IRAK4: variants seen among roughly 807,000 people sequenced by gnomAD.
IRAK4 encodes interleukin 1 receptor associated kinase 4.
In IRAK4, 44 loss-of-function variants were observed where a neutral mutation model predicts 51.8. The observed-to-expected ratio is 0.85, with a 90% CI of 0.67 to 1.09. The LOEUF is 1.09. Ranked by LOEUF, IRAK4 falls within the 50% of genes least tolerant of loss-of-function variation. The probability of loss-of-function intolerance (pLI) is 0.00; values close to 1 mark genes in which losing one functional copy is unlikely to be tolerated. For missense variants in IRAK4, 487 were observed against 538.0 expected (o/e 0.91, Z 0.94); for synonymous variants, 149 against 174.1 (o/e 0.86, Z 1.13).
At position 43,772,950 on chromosome 12, in the gene IRAK4, A is replaced by G. The variant is rs141209982; in HGVS notation, c.529A>G (p.Thr177Ala). 5.4e-4 allele frequency: 865 copies of G among 1,610,808 alleles called. 1 individual carries two copies. Among genetic ancestry groups the G allele is most frequent in the Non-Finnish European group, 6.5e-4 (768 of 1,178,132 alleles). Residue 177 changes from threonine to alanine, a missense_variant, in exon 5 of 12, where the codon ACA (threonine) becomes GCA (alanine). Coordinates refer to ENST00000613694, the MANE Select transcript of IRAK4 (RefSeq NM_016123.4). ...TTCATTTTATGAATTGAAGAATGTC[A>G]CAAATAACTTTGATGAACGACCCAT... Reference protein sequence around the residue: ...SFSFYELKNVTNNFDERPISV... With the variant: ...SFSFYELKNVANNFDERPISV...
chr12:43,766,460 C>T (rs1940158829), intron 1 of IRAK4, among the ~76,000 whole-genome samples: 1 of 152,120 alleles, frequency 6.6e-6, no homozygotes, highest in African/African-American at 2.4e-5. Flanking sequence ...GCATTTATCA[C>T]TCCCTGTCAC....
intron 6 of IRAK4, 23 bp downstream of exon 6, chr12:43,774,052 G>T (rs368286263): frequency 6.4e-7 from 1 of 1,573,952 alleles, no homozygotes. Flanking sequence ...CTGGCAGTGC[G>T]GTGTAGTGGA....
intron 2 of IRAK4, among the ~76,000 whole-genome samples, chr12:43,769,541 A>G (rs1940529563): frequency 6.6e-6 from 1 of 152,108 alleles, no homozygotes; most frequent in Admixed American, 6.6e-5. Context: ...AGTCCCAGCT[A>G]CTTGGGAGGT....
intron 6 of IRAK4, among the ~76,000 whole-genome samples, chr12:43,774,676 A>AT (rs1164817252): frequency 1.3e-5 from 2 of 152,252 alleles, no homozygotes; most frequent in African/African-American, 4.8e-5. Flanking sequence ...CTATAGAGTA[A>AT]TAGGCCCTTA....
In IRAK4 at chr12:43,788,539, C is replaced by CTTTTTTTT. The variant is rs538947924; in HGVS notation, c.*1835_*1842dup. 1 of 130,580 alleles carries CTTTTTTTT rather than the reference C, an allele frequency of 7.7e-6. No homozygotes were observed. The highest frequency in any genetic ancestry group is 3.0e-5 in the African/African-American group (1 of 33,736). 8.1% of individuals were successfully genotyped at this position (130,580 alleles called of 1,614,324 possible). ...CATGGAATCAAGGAATATGTTAGGG[C>CTTTTTTTT]TTTTTTTTTTTTTTTTTTGAGACGG... On this transcript the variant is annotated 3_prime_UTR_variant, in exon 12 of 12. Coordinates refer to ENST00000613694, the MANE Select transcript of IRAK4 (RefSeq NM_016123.4).
chr12:43,772,180 A>T lies in IRAK4; in HGVS notation c.308A>T (p.Asp103Val). The T allele has an allele frequency of 1.2e-6, 2 of 1,612,138 alleles. 1 individual carries two copies. The highest frequency in any genetic ancestry group is 2.2e-5 in the South Asian group (2 of 91,054). ...ACTTGTATCTTACTTCATTTGTTAGATGCTGTTCCCAAAACTGCTAATACA... is the reference window on the plus strand; with the variant it reads ...ACTTGTATCTTACTTCATTTGTTAGTTGCTGTTCCCAAAACTGCTAATACA... ...FFAPASLLLP[D>V]AVPKTANTLP... Residue 103 changes from aspartate to valine, a missense_variant and splice_region_variant, in exon 4 of 12, where the codon GAT becomes GTT. Coordinates refer to ENST00000613694, the MANE Select transcript of IRAK4 (RefSeq NM_016123.4).
chr12:43,788,330 G>A lies in IRAK4; in HGVS notation c.*1615G>A. ...CACTGCCTAGTAGAGCTATGGGAAG[G>A]GTGCTGCCACCCTCCAGACTTGAGA... On this transcript the variant is annotated 3_prime_UTR_variant, in exon 12 of 12. Coordinates refer to ENST00000613694, the MANE Select transcript of IRAK4 (RefSeq NM_016123.4). The A allele has an allele frequency of 6.6e-6, 1 of 152,108 alleles. No individual in the cohort carries two copies. The highest frequency in any genetic ancestry group is 1.9e-4 in the East Asian group (1 of 5,166). 9.4% of individuals were successfully genotyped at this position (152,108 alleles called of 1,614,324 possible).
chr12:43,777,638 A>G lies in IRAK4; in HGVS notation c.725A>G (p.His242Arg). 2.5e-6 allele frequency: 4 copies of G among 1,605,628 alleles called. No homozygotes were observed. The highest frequency in any genetic ancestry group is 3.4e-6 in the Non-Finnish European group (4 of 1,175,960). Residue 242 changes from histidine (H) to arginine (R), a missense_variant, in exon 7 of 12, where the codon CAT (histidine) becomes CGT (arginine). By Grantham distance (29) the His-to-Arg change is conservative. Coordinates refer to ENST00000613694, the MANE Select transcript of IRAK4 (RefSeq NM_016123.4). ...QEIKVMAKCQ[H>R]ENLVELLGFS... ...AAAATTATTTGTCACAGGTGTCAAC[A>G]TGAAAACTTAGTAGAACTACTTGGT...
intron 8 of IRAK4, 87 bp from the exon 9 acceptor site, chr12:43,782,220 A>G (rs1244297471): frequency 1.3e-6 from 1 of 799,794 alleles, no homozygotes; most frequent in Admixed American, 1.9e-5. Context: ...ATATACATGC[A>G]TACATACGTA....
chr12:43,763,618 T>G (rs1466596374), intron 1 of IRAK4, among the ~76,000 whole-genome samples: 1 of 152,170 alleles, frequency 6.6e-6, no homozygotes, highest in Non-Finnish European at 1.5e-5. Context: ...CAATAGTTTT[T>G]AAGAGGGTAA....
intron 1 of IRAK4, chr12:43,759,521 T>TG (rs1939204500): frequency 1.3e-5 from 2 of 152,054 alleles, no homozygotes; most frequent in South Asian, 4.2e-4. Flanking sequence ...CATTCGCAGA[T>TG]GGGGGAAAAA....
Position 43,786,896 on chromosome 12 carries a change from T to G in IRAK4, c.*181T>G. ...AAAAATAGAGCCACCATATCAACAC[T>G]TAGCCCTACCCATTAGTATCACCCC... On this transcript the variant is annotated 3_prime_UTR_variant, in exon 12 of 12. Transcript: ENST00000613694. The G allele has an allele frequency of 1.6e-6, 1 of 617,086 alleles. No individual in the cohort carries two copies. The highest frequency in any genetic ancestry group is 2.9e-6 in the Non-Finnish European group (1 of 349,846). 38.2% of individuals were successfully genotyped at this position (617,086 alleles called of 1,614,324 possible). A position where few individuals can be genotyped will look rare whatever the true frequency, so the allele number is the denominator to read the frequency against.
At position 43,777,666 on chromosome 12, in the gene IRAK4, C is replaced by T; in HGVS notation, c.753C>T (p.Phe251=). The part of the protein sequence containing the change: ...QHENLVELLG[F]SSDGDDLCLV... ...AAAACTTAGTAGAACTACTTGGTTT[C>T]TCAAGTGATGGAGATGACCTCTGCT... is the stretch of plus-strand genomic sequence containing the variant. Residue 251 remains phenylalanine, a synonymous_variant, in exon 7 of 12, where the codon TTC becomes TTT. Transcript: ENST00000613694. 1 of 1,610,062 alleles carries T rather than the reference C, an allele frequency of 6.2e-7. No individual in the cohort carries two copies. The highest frequency in any genetic ancestry group is 8.5e-7 in the Non-Finnish European group (1 of 1,178,046).
intron 5 of IRAK4, among the ~76,000 whole-genome samples, chr12:43,773,458 G>GA (rs201430051): frequency 5.1e-4 from 78 of 152,168 alleles, no homozygotes; most frequent in African/African-American, 1.7e-3. Context: ...TATACATTAA[G>GA]AAAAAACATT....
chr12:43,762,303 G>A (rs1474348182), intron 1 of IRAK4, among the ~76,000 whole-genome samples: 1 of 152,110 alleles, frequency 6.6e-6, no homozygotes, highest in African/African-American at 2.4e-5. Flanking sequence ...ACCTCTGCTG[G>A]AAGCCTGGGT....
At chr12:43,761,927 C>G (rs1378938917) in intron 1 of IRAK4, among the ~76,000 whole-genome samples, 1 of 152,138 alleles carries the variant, frequency 6.6e-6, no homozygotes, top group East Asian at 1.9e-4. Flanking sequence ...TATGAGGAAA[C>G]AGTCATGAAG....
chr12:43,778,269 A>G lies in IRAK4; in HGVS notation c.908A>G (p.His303Arg). ...QGAANGINFL[H>R]ENHHIHRDIK... ...GCAGCTAATGGCATCAATTTTCTAC[A>G]TGAAAATCATCATATTCATAGAGAT... Residue 303 changes from histidine to arginine, a missense_variant, in exon 8 of 12, where the codon CAT becomes CGT. His to Arg is a conservative substitution (Grantham distance 29). Coordinates refer to ENST00000613694, the MANE Select transcript of IRAK4 (RefSeq NM_016123.4). 3.7e-6 allele frequency: 6 copies of G among 1,603,388 alleles called. No individual in the cohort carries two copies. Among genetic ancestry groups the G allele is most frequent in the Non-Finnish European group, 5.1e-6 (6 of 1,170,400 alleles).
chr12:43,787,840 T>G lies in IRAK4; in HGVS notation c.*1125T>G, dbSNP rs1030666347. ...GGGAGGCCGAGGCAGGCAGATCACCTGAGGTCAAGAGTTCAAGACCGGCCT... is the reference window on the plus strand; with the variant it reads ...GGGAGGCCGAGGCAGGCAGATCACCGGAGGTCAAGAGTTCAAGACCGGCCT... On this transcript the variant is annotated 3_prime_UTR_variant, in exon 12 of 12. Transcript: ENST00000613694. 1.4e-4 allele frequency: 21 copies of G among 152,504 alleles called. No individual in the cohort carries two copies. Among genetic ancestry groups the G allele is most frequent in the African/African-American group, 4.3e-4 (18 of 41,422 alleles). The allele number at this position is 152,504 out of a possible 1,614,324, so 9.4% of individuals were successfully genotyped here. A position where few individuals can be genotyped will look rare whatever the true frequency, so the allele number is the denominator to read the frequency against.
chr12:43,779,692 T>C (rs1941605845), intron 8 of IRAK4, among the ~76,000 whole-genome samples: 1 of 152,162 alleles, frequency 6.6e-6, no homozygotes, highest in Admixed American at 6.5e-5. Context: ...ATGGCATGAT[T>C]CACTTATGTA....
Sources: allele counts gnomAD v4.1 joint callset (sites outside exome capture counted in the v4.1 genomes callset), GRCh38; gene constraint gnomAD v4.1.1; transcripts MANE v1.5; gene names NCBI Gene and HGNC (gene_info 2026-07-23, HGNC 2026-07-21).